The following JAK3 variants were observed in gnomAD, a reference collection of about 807,000 sequenced individuals.
JAK3 encodes the protein tyrosine-protein kinase JAK3.
A neutral mutation model predicts 120.8 loss-of-function variants in JAK3; 88 were observed. The ratio of observed to expected loss-of-function variants is 0.73; its 90% confidence interval spans 0.61 to 0.87. The LOEUF (loss-of-function observed/expected upper bound fraction) is 0.87. Among genes scored for constraint, JAK3 ranks in the 40% least tolerant of loss-of-function variants. The probability of loss-of-function intolerance (pLI) is 0.00; values close to 1 mark genes in which losing one functional copy is unlikely to be tolerated. For missense variants in JAK3, 1,254 were observed against 1,501.4 expected (o/e 0.84, Z 2.72); for synonymous variants, 592 against 628.6 (o/e 0.94, Z 0.87).
In JAK3 at chr19:17,831,945, A is replaced by C; in HGVS notation, c.2681-147T>G. The C allele has an allele frequency of 3.2e-6, 3 of 941,514 alleles. No homozygotes were observed. Among genetic ancestry groups the C allele is most frequent in the Non-Finnish European group, 5.0e-6 (3 of 604,288 alleles). 58.3% of individuals were successfully genotyped at this position (941,514 alleles called of 1,614,324 possible). A position where few individuals can be genotyped will look rare whatever the true frequency, so the allele number is the denominator to read the frequency against. On this transcript the variant is annotated intron_variant, in intron 19 of 23. Transcript: ENST00000458235. The surrounding 1 kb of genome is among the most constrained non-coding windows in gnomAD (Gnocchi z 5.1). ...ACCGCAACAATGACACATTGCTAAT[A>C]TCTCTTGAGTACTTTCTACAACATA...
In JAK3 at chr19:17,837,923, T is replaced by C. The variant is rs3212752; in HGVS notation, c.1701+9A>G. Reference sequence around the variant, plus strand: ...CCGACTCCAAAAGTCTGGTCCACATTGCTCTCACCTCCATGCAGTTCTTGT... The same window carrying C: ...CCGACTCCAAAAGTCTGGTCCACATCGCTCTCACCTCCATGCAGTTCTTGT... On this transcript the variant is annotated intron_variant, in intron 12 of 23. Coordinates refer to ENST00000458235, the MANE Select transcript of JAK3 (RefSeq NM_000215.4). 0.076 allele frequency: 123,093 copies of C among 1,613,714 alleles called. 6,117 individuals are homozygous for C. Among genetic ancestry groups the C allele is most frequent in the African/African-American group, 0.24 (17,804 of 74,880 alleles).
intron 1 of JAK3, among the ~76,000 whole-genome samples, chr19:17,845,446 C>T (rs926997658): frequency 3.3e-5 from 5 of 151,888 alleles, no homozygotes; most frequent in African/African-American, 9.7e-5. Flanking sequence ...TGAGCCACCG[C>T]GCCTGGCCGA....
chr19:17,831,126 CT>C lies in JAK3; in HGVS notation c.2978+101del. On this transcript the variant is annotated intron_variant, in intron 21 of 23. Transcript: ENST00000458235. The surrounding 1 kb of genome is among the most constrained non-coding windows in gnomAD (Gnocchi z 5.1). ...AAGCTGCAGCGGAGGAAGGGCGGGG[CT>C]AAGGCTGGGGAGCAAAGCAGCGGGA... is the stretch of plus-strand genomic sequence containing the variant. 8.1e-7 allele frequency: 1 copy of C among 1,237,328 alleles called. No homozygotes were observed. Among genetic ancestry groups the C allele is most frequent in the Non-Finnish European group, 1.1e-6 (1 of 919,566 alleles). 76.6% of individuals were successfully genotyped at this position (1,237,328 alleles called of 1,614,324 possible).
chr19:17,841,618 G>A lies in JAK3; in HGVS notation c.984+22C>T, dbSNP rs1055768750. 2 of 1,613,610 alleles carry A rather than the reference G, an allele frequency of 1.2e-6. No individual in the cohort carries two copies. The highest frequency in any genetic ancestry group is 1.3e-5 in the African/African-American group (1 of 74,922). ...TCCCGCCCTCGGGGTAAGGCTGAAG[G>A]GGAGGGGAATCCTGCACCCACTAAA... On this transcript the variant is annotated intron_variant, in intron 7 of 23. Coordinates refer to ENST00000458235, the MANE Select transcript of JAK3 (RefSeq NM_000215.4). This position sits in a 1 kb window ranked among gnomAD's most constrained non-coding sequence, Gnocchi z 4.1.
intron 1 of JAK3, 34 bp downstream of exon 1, chr19:17,847,912 C>A: frequency 1.1e-6 from 1 of 927,090 alleles, no homozygotes; most frequent in Non-Finnish European, 1.3e-6. Context: ...CCCCCAGTGT[C>A]TGGGCCGAGC....
intron 1 of JAK3, among the ~76,000 whole-genome samples, chr19:17,845,773 C>T (rs2094250756): frequency 6.6e-6 from 1 of 152,038 alleles, no homozygotes; most frequent in Admixed American, 6.6e-5. Flanking sequence ...AATACAAAAA[C>T]TATGATCCAA....
At chr19:17,827,588 C>T (rs1178639691) in intron 23 of JAK3, among the ~76,000 whole-genome samples, 1 of 151,334 alleles carries the variant, frequency 6.6e-6, no homozygotes, top group African/African-American at 2.4e-5. Context: ...CTCATGTAAT[C>T]CACCCACCTC....
intron 2 of JAK3, 22 bp downstream of exon 2, chr19:17,844,212 G>C (rs3212711): frequency 6.4e-7 from 1 of 1,565,624 alleles, no homozygotes; most frequent in Non-Finnish European, 8.6e-7. Flanking sequence ...CCTCTGGCCC[G>C]ATCCACTAGG....
intron 17 of JAK3, among the ~76,000 whole-genome samples, chr19:17,833,723 C>T (rs1206778761): frequency 6.6e-6 from 1 of 151,884 alleles, no homozygotes; most frequent in African/African-American, 2.4e-5. Context: ...TTTGGTGGCA[C>T]GCCCTTGTAA....
At chr19:17,830,018 C>T in intron 23 of JAK3, 90 bp downstream of exon 23, 1 of 916,696 alleles carries the variant, frequency 1.1e-6, no homozygotes, top group Non-Finnish European at 1.7e-6. Flanking sequence ...CCTTTCTTCT[C>T]AGTACAGAGA....
In JAK3 at chr19:17,842,782, G is replaced by A. The variant is rs2094243128; in HGVS notation, c.567-172C>T. The A allele has an allele frequency of 2.3e-6, 2 of 862,230 alleles. No homozygotes were observed. The highest frequency in any genetic ancestry group is 3.5e-6 in the Non-Finnish European group (2 of 566,308). 53.4% of individuals were successfully genotyped at this position (862,230 alleles called of 1,614,324 possible). A position where few individuals can be genotyped will look rare whatever the true frequency, so the allele number is the denominator to read the frequency against. On this transcript the variant is annotated intron_variant, in intron 5 of 23. Coordinates refer to ENST00000458235, the MANE Select transcript of JAK3 (RefSeq NM_000215.4). This position sits in a 1 kb window ranked among gnomAD's most constrained non-coding sequence, Gnocchi z 6.4. ...GTATGAGGACCGGACCTCAGAGTAG[G>A]GGAGGGCCATTGGCGCCCACAGGTC...
At position 17,842,674 on chromosome 19, in the gene JAK3, C is replaced by A; in HGVS notation, c.567-64G>T. ...CGGGAGGGGTCCCCGCGGGGACACA[C>A]ACAAACCCAGGCTTTAGCCCAGGGG... On this transcript the variant is annotated intron_variant, in intron 5 of 23. Coordinates refer to ENST00000458235, the MANE Select transcript of JAK3 (RefSeq NM_000215.4). The surrounding 1 kb of genome is among the most constrained non-coding windows in gnomAD (Gnocchi z 6.4). 2.7e-6 allele frequency: 4 copies of A among 1,454,562 alleles called. No individual in the cohort carries two copies. The highest frequency in any genetic ancestry group is 3.7e-6 in the Non-Finnish European group (4 of 1,090,376). The allele number at this position is 1,454,562 out of a possible 1,614,324, so 90.1% of individuals were successfully genotyped here.
intron 17 of JAK3, 62 bp downstream of exon 17, chr19:17,834,509 T>C: frequency 1.2e-6 from 2 of 1,603,100 alleles, no homozygotes; most frequent in Admixed American, 1.7e-5. Context: ...CAAACCACGC[T>C]CCTTCCACTG....
rs950404286 is a variant in JAK3 at position 17,826,375 on chromosome 19, G to C, written c.*368C>G. 2.1e-5 allele frequency: 6 copies of C among 288,284 alleles called. No individual in the cohort carries two copies. Among genetic ancestry groups the C allele is most frequent in the Admixed American group, 1.4e-4 (3 of 20,932 alleles). 17.9% of individuals were successfully genotyped at this position (288,284 alleles called of 1,614,324 possible). A position where few individuals can be genotyped will look rare whatever the true frequency, so the allele number is the denominator to read the frequency against. ...ACTCCACCCTGGGTAACAGAGCGAG[G>C]CTCTGTCTCAAAAATAAAAATAAAA... On this transcript the variant is annotated 3_prime_UTR_variant, in exon 24 of 24. Coordinates refer to ENST00000458235, the MANE Select transcript of JAK3 (RefSeq NM_000215.4).
At chr19:17,830,054 G>T in intron 23 of JAK3, 54 bp downstream of exon 23, 1 of 1,352,960 alleles carries the variant, frequency 7.4e-7, no homozygotes, top group Non-Finnish European at 1.0e-6. Context: ...GCTTGCCCGA[G>T]ACCCCGGCCC....
Position 17,834,954 on chromosome 19 carries a change from C to T in JAK3, c.2097G>A (p.Ala699=), listed in dbSNP as rs571402316. ...TGTCAGCTTCCAAGCTAAGTGTCTGCGCCTCCCGGAGACACTCGGGGGCCA... is the reference window on the plus strand; with the variant it reads ...TGTCAGCTTCCAAGCTAAGTGTCTGTGCCTCCCGGAGACACTCGGGGGCCA... The part of the protein sequence containing the change: ...PWVAPECLRE[A]QTLSLEADKW... Residue 699 remains alanine (A), a synonymous_variant, in exon 16 of 24, where the codon GCG becomes GCA. Transcript: ENST00000458235. The T allele has an allele frequency of 4.5e-5, 73 of 1,614,148 alleles. No individual in the cohort carries two copies. In the East Asian group the frequency reaches 1.0e-3, roughly 23 times the overall value.
chr19:17,830,326 G>T (rs1599866163), intron 22 of JAK3, 108 bp from the exon 23 acceptor site: 1 of 975,290 alleles, frequency 1.0e-6, no homozygotes, highest in Non-Finnish European at 1.6e-6. Flanking sequence ...GCGGGGAGGG[G>T]CTGCCTGAAC....
rs199706172 is a variant in JAK3, at chr19:17,839,614, G to A, written c.1304C>T (p.Thr435Ile). 66 of 1,612,400 alleles carry A rather than the reference G, an allele frequency of 4.1e-5. No individual in the cohort carries two copies. The highest frequency in any genetic ancestry group is 5.3e-5 in the Non-Finnish European group (63 of 1,179,590). The change falls in exon 10 of 24, where the codon ACA becomes ATA. Residue 435 changes from threonine to isoleucine, a missense_variant. Physicochemically the swap from Thr to Ile is moderately conservative, Grantham distance 89. Coordinates refer to ENST00000458235, the MANE Select transcript of JAK3 (RefSeq NM_000215.4). ...GAGGCCAACCAGAAGGAAGGTTCCT[G>A]TGGGGCTGCGCCGGATGAGGCAGCC... ...YKGCLIRRSP[T>I]GTFLLVGLSR...
intron 17 of JAK3, among the ~76,000 whole-genome samples, 168 bp downstream of exon 17, chr19:17,834,403 G>C (rs1053132710): frequency 6.6e-6 from 1 of 152,062 alleles, no homozygotes; most frequent in African/African-American, 2.4e-5. Context: ...CTTGAACTGA[G>C]GGGACTGTTC....
Sources: gnomAD v4.1 joint callset for allele counts (sites outside exome capture counted in the v4.1 genomes callset) on GRCh38, gnomAD v4.1.1 for gene constraint, Gnocchi (gnomAD v3.1) non-coding constraint, MANE v1.5 for transcripts, NCBI Gene and HGNC (gene_info 2026-07-23, HGNC 2026-07-21) for gene names.